Variants in MAN1A2 observed in about 807,000 individuals in gnomAD.
MAN1A2 encodes mannosyl-oligosaccharide 1,2-alpha-mannosidase IB.
In MAN1A2, 26 loss-of-function variants were observed where a neutral mutation model predicts 75.7. The ratio of observed to expected loss-of-function variants is 0.34; its 90% CI spans 0.25 to 0.48. MAN1A2 has a LOEUF of 0.48. Ranked by LOEUF, MAN1A2 falls within the 20% of genes least tolerant of loss-of-function variation. MAN1A2 has a pLI of 0.99. For missense variants in MAN1A2, 562 were observed against 775.5 expected, an observed-to-expected ratio of 0.72 and a Z score of 3.27; for synonymous variants, 247 against 264.6, an observed-to-expected ratio of 0.93 and a Z score of 0.65.
At chr1:117,456,240 A>T (rs747625597) in intron 6 of MAN1A2, among the ~76,000 whole-genome samples, 1 of 152,106 alleles carries the variant, frequency 6.6e-6, no homozygotes, top group Non-Finnish European at 1.5e-5. Flanking sequence ...TTGGTAGTCC[A>T]TAAGGTAAAA....
intron 7 of MAN1A2, among the ~76,000 whole-genome samples, chr1:117,463,009 G>C (rs892792381): frequency 6.6e-5 from 10 of 151,898 alleles, no homozygotes; most frequent in Non-Finnish European, 1.3e-4. Flanking sequence ...TGTGTATGAA[G>C]TACTTCATCA....
intron 5 of MAN1A2, among the ~76,000 whole-genome samples, chr1:117,430,113 A>G (rs1287989461): frequency 1.7e-4 from 10 of 57,936 alleles, no homozygotes; most frequent in Admixed American, 3.2e-4. Context: ...CGGACGGGGT[A>G]GCTGGCCGGG....
chr1:117,392,075 C>T (rs1653738879), intron 1 of MAN1A2, among the ~76,000 whole-genome samples: 1 of 152,072 alleles, frequency 6.6e-6, no homozygotes, highest in South Asian at 2.1e-4. Flanking sequence ...TATATCCCCT[C>T]CCTTTCTACT....
At chr1:117,466,503 G>T in intron 8 of MAN1A2, 76 bp downstream of exon 8, 4 of 936,230 alleles carry the variant, frequency 4.3e-6, no homozygotes, top group Non-Finnish European at 6.4e-6. Context: ...GTTGTAAAAA[G>T]TACACTACGT....
chr1:117,454,511 G>C (rs138687367), intron 6 of MAN1A2, among the ~76,000 whole-genome samples: 239 of 152,222 alleles, frequency 1.6e-3, no homozygotes, highest in Non-Finnish European at 3.0e-3. Flanking sequence ...AAATTCTATA[G>C]CCACTGAAAA....
At chr1:117,393,433 C>T (rs1233939334) in intron 1 of MAN1A2, among the ~76,000 whole-genome samples, 1 of 151,246 alleles carries the variant, frequency 6.6e-6, no homozygotes, top group East Asian at 1.9e-4. Context: ...TCATTCTTGG[C>T]CTATATTGTG....
chr1:117,455,444 C>T (rs1187405838), intron 6 of MAN1A2, among the ~76,000 whole-genome samples: 2 of 151,872 alleles, frequency 1.3e-5, no homozygotes, highest in Non-Finnish European at 2.9e-5. Context: ...TTGTCATAAC[C>T]CATTGAATGG....
At chr1:117,446,188 T>C (rs1649231058) in intron 6 of MAN1A2, among the ~76,000 whole-genome samples, 1 of 151,678 alleles carries the variant, frequency 6.6e-6, no homozygotes, top group Non-Finnish European at 1.5e-5. Context: ...TCTTTACTAG[T>C]TTAATGAGGC....
chr1:117,461,038 G>GT (rs1444638455), intron 7 of MAN1A2, among the ~76,000 whole-genome samples: 4 of 152,062 alleles, frequency 2.6e-5, no homozygotes, highest in Admixed American at 6.6e-5. Context: ...AGTTTAATAT[G>GT]TTTTTTTAAA....
intron 1 of MAN1A2, among the ~76,000 whole-genome samples, chr1:117,393,861 T>G (rs772315025): frequency 1.3e-5 from 2 of 152,152 alleles, no homozygotes; most frequent in African/African-American, 2.4e-5. Flanking sequence ...AAAGCTGATA[T>G]AAATAGTGGT....
chr1:117,393,258 T>C (rs1461491198), intron 1 of MAN1A2, among the ~76,000 whole-genome samples: 1 of 152,206 alleles, frequency 6.6e-6, no homozygotes, highest in East Asian at 1.9e-4. Context: ...AACCTCTTGG[T>C]TATTTCCAGG....
At chr1:117,475,086 T>G (rs963796899) in intron 8 of MAN1A2, among the ~76,000 whole-genome samples, 1 of 151,760 alleles carries the variant, frequency 6.6e-6, no homozygotes, top group Non-Finnish European at 1.5e-5. Context: ...TGATGGACAT[T>G]TAGGTTGTTT....
At chr1:117,439,231 G>A (rs1055945228) in intron 5 of MAN1A2, among the ~76,000 whole-genome samples, 2 of 152,086 alleles carry the variant, frequency 1.3e-5, no homozygotes, top group Admixed American at 6.5e-5. Context: ...AGGTAATGGG[G>A]ATACATCTTT....
intron 12 of MAN1A2, among the ~76,000 whole-genome samples, chr1:117,516,608 T>C (rs1651719381): frequency 6.6e-6 from 1 of 152,052 alleles, no homozygotes; most frequent in Non-Finnish European, 1.5e-5. Context: ...TGACAAAATA[T>C]ATGTGAAATA....
chr1:117,475,415 C>T (rs529067108), intron 8 of MAN1A2, among the ~76,000 whole-genome samples: 3 of 151,320 alleles, frequency 2.0e-5, no homozygotes, highest in East Asian at 2.0e-4. Context: ...CATGCCAGAA[C>T]GTGGTTTGTT....
At chr1:117,443,535 A>T (rs1308443059) in intron 6 of MAN1A2, among the ~76,000 whole-genome samples, 1 of 152,176 alleles carries the variant, frequency 6.6e-6, no homozygotes, top group Non-Finnish European at 1.5e-5. Flanking sequence ...CTTAATTCCG[A>T]TAGGAAGACA....
chr1:117,413,167 C>T (rs969327165), intron 3 of MAN1A2, among the ~76,000 whole-genome samples: 1 of 151,830 alleles, frequency 6.6e-6, no homozygotes, highest in Non-Finnish European at 1.5e-5. Flanking sequence ...ACATAACTTT[C>T]TAGATAATAT....
At chr1:117,370,738 A>AGTGTGT (rs71658400) in intron 1 of MAN1A2, among the ~76,000 whole-genome samples, 28,408 of 148,132 alleles carry the variant, frequency 0.19, 3,453 homozygotes, top group East Asian at 0.28. Flanking sequence ...ATCTTCATTT[A>AGTGTGT]GTGTGTGTGT....
chr1:117,441,100 A>G (rs928003479), intron 5 of MAN1A2, among the ~76,000 whole-genome samples: 2 of 152,144 alleles, frequency 1.3e-5, no homozygotes, highest in Non-Finnish European at 2.9e-5. Context: ...TTCTGCTAAG[A>G]AGCTTGTGCC....
Sources: allele counts gnomAD v4.1 joint callset (sites outside exome capture counted in the v4.1 genomes callset), GRCh38; gene constraint gnomAD v4.1.1; transcripts MANE v1.5; gene names NCBI Gene and HGNC (gene_info 2026-07-23, HGNC 2026-07-21).